PARD3: variants seen among roughly 807,000 people sequenced by gnomAD.
PARD3 encodes par-3 family cell polarity regulator, also known as partitioning defective 3 homolog.
In PARD3, 75 loss-of-function variants were observed where a neutral mutation model predicts 155.4. The observed-to-expected ratio is 0.48, with a 90% CI of 0.40 to 0.58. PARD3 has a LOEUF of 0.58. Ranked by LOEUF, PARD3 falls within the 20% of genes least tolerant of loss-of-function variation. The pLI is 0.00. For synonymous variants in PARD3, 576 were observed against 610.5 expected (o/e 0.94, Z 0.83); for missense variants, 1,642 against 1,721.7 (o/e 0.95, Z 0.82).
chr10:34,676,976 T>A (rs998702108), intron 2 of PARD3, among the ~76,000 whole-genome samples: 1 of 152,216 alleles, frequency 6.6e-6, no homozygotes, highest in Non-Finnish European at 1.5e-5. Flanking sequence ...ACAGGTTTTA[T>A]TCTGTGTCTT....
chr10:34,240,506 T>A (rs1953512534), intron 22 of PARD3, among the ~76,000 whole-genome samples: 1 of 152,186 alleles, frequency 6.6e-6, no homozygotes, highest in African/African-American at 2.4e-5. Flanking sequence ...TATTCAATGA[T>A]AACAATTTTC....
intron 22 of PARD3, among the ~76,000 whole-genome samples, chr10:34,251,857 C>T (rs1272738607): frequency 1.3e-5 from 2 of 152,154 alleles, no homozygotes; most frequent in Non-Finnish European, 2.9e-5. Context: ...CATAAACTGT[C>T]TTTGCTGTGC....
In PARD3 at chr10:34,111,078, C is replaced by T. The variant is rs1946359522; in HGVS notation, c.*91G>A. On this transcript the variant is annotated 3_prime_UTR_variant, in exon 25 of 25. Coordinates refer to ENST00000374788, the MANE Select transcript of PARD3 (RefSeq NM_001184785.2). The stretch of plus-strand genomic sequence containing the variant: ...CCAACAACAGAAATACTCCATAGTA[C>T]CATCGAGGTTTTAAAAAAACTCCCA... 1 of 1,364,158 alleles carries T rather than the reference C, an allele frequency of 7.3e-7. No individual in the cohort carries two copies. The highest frequency in any genetic ancestry group is 1.0e-6 in the Non-Finnish European group (1 of 1,002,780). 84.5% of individuals were successfully genotyped at this position (1,364,158 alleles called of 1,614,324 possible). A position where few individuals can be genotyped will look rare whatever the true frequency, so the allele number is the denominator to read the frequency against.
At chr10:34,459,143 A>C (rs1478450385) in intron 4 of PARD3, among the ~76,000 whole-genome samples, 1 of 152,186 alleles carries the variant, frequency 6.6e-6, no homozygotes. Context: ...CTTTGAAGGC[A>C]AGAAATACGC....
intron 22 of PARD3, among the ~76,000 whole-genome samples, chr10:34,254,326 C>CTTG (rs1954522274): frequency 6.6e-6 from 1 of 151,880 alleles, no homozygotes; most frequent in African/African-American, 2.4e-5. Context: ...TTGCAGTGAG[C>CTTG]CGAGATCGCA....
chr10:34,497,785 C>CAG (rs2133388133), intron 3 of PARD3, among the ~76,000 whole-genome samples: 1 of 152,248 alleles, frequency 6.6e-6, no homozygotes, highest in East Asian at 1.9e-4. Flanking sequence ...GGCCTCAACT[C>CAG]AATTTACTTA....
chr10:34,740,693 A>G (rs1228019245), intron 1 of PARD3, among the ~76,000 whole-genome samples: 1 of 151,900 alleles, frequency 6.6e-6, no homozygotes, highest in African/African-American at 2.4e-5. Flanking sequence ...CATGTGAACA[A>G]CAAATCACGT....
At chr10:34,392,845 G>A (rs886924041) in intron 7 of PARD3, among the ~76,000 whole-genome samples, 1 of 152,016 alleles carries the variant, frequency 6.6e-6, no homozygotes, top group Non-Finnish European at 1.5e-5. Flanking sequence ...GAAAACAGAG[G>A]TGAAGAAGTT....
chr10:34,419,261 T>C (rs1845962546), intron 5 of PARD3, among the ~76,000 whole-genome samples: 1 of 151,572 alleles, frequency 6.6e-6, no homozygotes, highest in Non-Finnish European at 1.5e-5. Flanking sequence ...CTCATGCCTG[T>C]AATCCCAGCA....
intron 22 of PARD3, among the ~76,000 whole-genome samples, chr10:34,251,538 T>A (rs1471042288): frequency 3.9e-5 from 6 of 152,212 alleles, no homozygotes; most frequent in African/African-American, 1.4e-4. Flanking sequence ...ATGGCAGAGC[T>A]GGGATGTGAA....
At chr10:34,698,479 T>G (rs1248279918) in intron 1 of PARD3, among the ~76,000 whole-genome samples, 3 of 152,200 alleles carry the variant, frequency 2.0e-5, no homozygotes, top group Non-Finnish European at 2.9e-5. Context: ...TCAGGCATCC[T>G]CTTCTCCAAG....
At chr10:34,261,463 T>C (rs1954955222) in intron 22 of PARD3, among the ~76,000 whole-genome samples, 1 of 151,954 alleles carries the variant, frequency 6.6e-6, no homozygotes, top group African/African-American at 2.4e-5. Flanking sequence ...TCAAAGTGGG[T>C]GGATCACTTG....
At chr10:34,555,951 C>G (rs1186750110) in intron 2 of PARD3, among the ~76,000 whole-genome samples, 1 of 152,194 alleles carries the variant, frequency 6.6e-6, no homozygotes, top group African/African-American at 2.4e-5. Context: ...GATTATCTCT[C>G]CACAGAACTT....
In PARD3 at chr10:34,769,849, C is replaced by T. The variant is rs77249688; in HGVS notation, c.120+45027G>A. On this transcript the variant is annotated intron_variant, in intron 1 of 24. Transcript: ENST00000374788. ...CCATACCTAGTGTTCTTCAGTTATA[C>T]ACTTTTCTCAAATTCATACACACAC... Among the ~76,000 whole-genome samples, 8 of 124,920 alleles carry T rather than the reference C, an allele frequency of 6.4e-5. No homozygotes were observed. In the East Asian group the frequency reaches 1.5e-3, roughly 24 times the overall value. 82.0% of individuals were successfully genotyped at this position (124,920 alleles called of 152,430 possible).
At chr10:34,188,090 C>G (rs1213002091) in intron 22 of PARD3, among the ~76,000 whole-genome samples, 1 of 152,186 alleles carries the variant, frequency 6.6e-6, no homozygotes, top group East Asian at 1.9e-4. Flanking sequence ...ATCTTCTGAA[C>G]TAAGAGCTGA....
intron 1 of PARD3, among the ~76,000 whole-genome samples, chr10:34,770,622 G>A (rs1392438262): frequency 1.3e-5 from 2 of 152,202 alleles, no homozygotes; most frequent in Admixed American, 6.5e-5. Context: ...CGCTAGCCTT[G>A]CAGTCAAGAC....
chr10:34,815,019 C>G lies in PARD3; in HGVS notation c.-24G>C. ...ATGCCGCCGCCGCCGCGGGCGGGCC[C>G]GCGCCCCTCGCCGAGCGCAGCCGGA... On this transcript the variant is annotated 5_prime_UTR_variant, in exon 1 of 25. Coordinates refer to ENST00000374788, the MANE Select transcript of PARD3 (RefSeq NM_001184785.2). The G allele has an allele frequency of 7.1e-7, 1 of 1,401,586 alleles. No individual in the cohort carries two copies. Among genetic ancestry groups the G allele is most frequent in the South Asian group, 1.5e-5 (1 of 66,888 alleles). 86.8% of individuals were successfully genotyped at this position (1,401,586 alleles called of 1,614,324 possible). A position where few individuals can be genotyped will look rare whatever the true frequency, so the allele number is the denominator to read the frequency against.
At chr10:34,711,766 A>C (rs1052435758) in intron 1 of PARD3, among the ~76,000 whole-genome samples, 1 of 152,066 alleles carries the variant, frequency 6.6e-6, no homozygotes, top group African/African-American at 2.4e-5. Flanking sequence ...ATAATCAACA[A>C]ACACAGGCCT....
At chr10:34,325,554 A>G (rs1444234074) in intron 19 of PARD3, among the ~76,000 whole-genome samples, 1 of 151,916 alleles carries the variant, frequency 6.6e-6, no homozygotes, top group Admixed American at 6.6e-5. Flanking sequence ...TGTCACACTA[A>G]CTTACACACT....
Sources: gnomAD v4.1 joint callset for allele counts (sites outside exome capture counted in the v4.1 genomes callset) on GRCh38, gnomAD v4.1.1 for gene constraint, MANE v1.5 for transcripts, NCBI Gene and HGNC (gene_info 2026-07-23, HGNC 2026-07-21) for gene names.